Variants in RPAP3 observed in about 807,000 individuals in gnomAD.
The protein encoded by RPAP3 is RNA polymerase II-associated protein 3.
A neutral mutation model predicts 88.8 loss-of-function variants in RPAP3; 58 were observed. That is an observed-to-expected ratio of 0.65 (90% CI 0.53 to 0.81). RPAP3 has a LOEUF of 0.81. Ranked by LOEUF, RPAP3 falls within the 40% of genes least tolerant of loss-of-function variation. RPAP3 has a pLI of 0.00. For synonymous variants in RPAP3, 255 were observed against 259.9 expected (o/e 0.98, Z 0.18); for missense variants, 751 against 764.3 (o/e 0.98, Z 0.20).
At chr12:47,698,041 A>G (rs1027829107) in intron 3 of RPAP3, among the ~76,000 whole-genome samples, 4 of 152,212 alleles carry the variant, frequency 2.6e-5, no homozygotes, top group Admixed American at 1.3e-4. Context: ...AAATAGCCCT[A>G]AACTAATATA....
rs768329967 is a variant in RPAP3, at chr12:47,669,117, A to G, written c.1527-15T>C. On this transcript the variant is annotated splice_polypyrimidine_tract_variant and intron_variant, in intron 13 of 16. Transcript: ENST00000005386. ...TGGCTTGAGGTCTGAAATATTTCAG[A>G]GGTATCAAACAGAAAAGAACCATAA... The G allele has an allele frequency of 6.3e-7, 1 of 1,595,276 alleles. No homozygotes were observed. Among genetic ancestry groups the G allele is most frequent in the East Asian group, 2.2e-5 (1 of 44,716 alleles).
Position 47,704,752 on chromosome 12 carries a change from G to A in RPAP3, c.-7+1200C>T, listed in dbSNP as rs1201208046. ...GCAGGTGGCTCATGCCTGTAATCCC[G>A]GCACTTTGGGAGGCAGAGGTTGGGG... On this transcript the variant is annotated intron_variant, in intron 1 of 16. Transcript: ENST00000005386. 3.3e-5 allele frequency among the ~76,000 whole-genome samples: 5 copies of A among 151,912 alleles called. No homozygotes were observed. In the South Asian group the frequency reaches 1.0e-3, roughly 32 times the overall value.
At chr12:47,687,489 ATAAAC>A (rs1322791905) in intron 8 of RPAP3, among the ~76,000 whole-genome samples, 2 of 152,174 alleles carry the variant, frequency 1.3e-5, no homozygotes, top group Non-Finnish European at 2.9e-5. Flanking sequence ...AAGGCAATAA[ATAAAC>A]TAAACCTCAA....
chr12:47,692,945 T>A (rs1939456638), intron 5 of RPAP3, among the ~76,000 whole-genome samples: 1 of 152,192 alleles, frequency 6.6e-6, no homozygotes, highest in Admixed American at 6.5e-5. Flanking sequence ...AGCGGCATGA[T>A]CTCAACTCAC....
rs747245634 is a variant in RPAP3 at position 47,702,775 on chromosome 12, T to G, written c.66A>C (p.Gln22His). The change falls in exon 2 of 17, where the codon CAA (glutamine) becomes CAC (histidine). Residue 22 changes from glutamine to histidine, a missense_variant. Gln to His is a conservative substitution (Grantham distance 24). Transcript: ENST00000005386. ...AGTTTTCTAAATCCCGCATAAAGTCTTGTAATTCTTCTGCATTTTGTTTCA... is the reference window on the plus strand; with the variant it reads ...AGTTTTCTAAATCCCGCATAAAGTCGTGTAATTCTTCTGCATTTTGTTTCA... ...LQVKQNAEEL[Q>H]DFMRDLENWE... The G allele has an allele frequency of 6.2e-7, 1 of 1,613,010 alleles. No individual in the cohort carries two copies. The highest frequency in any genetic ancestry group is 8.5e-7 in the Non-Finnish European group (1 of 1,179,166).
chr12:47,674,470 G>A (rs187577966), intron 12 of RPAP3, among the ~76,000 whole-genome samples: 47 of 152,156 alleles, frequency 3.1e-4, no homozygotes, highest in Non-Finnish European at 4.9e-4. Flanking sequence ...GAGGATGTTC[G>A]AACTCATCAT....
At chr12:47,697,576 C>A in intron 4 of RPAP3, 21 bp downstream of exon 4, 1 of 1,578,820 alleles carries the variant, frequency 6.3e-7, no homozygotes. Context: ...TGAAAAAAAA[C>A]AAAACCTAAC....
intron 9 of RPAP3, 140 bp downstream of exon 9, chr12:47,686,640 C>A: frequency 5.3e-6 from 3 of 568,186 alleles, no homozygotes; most frequent in Non-Finnish European, 5.8e-6. Context: ...TAAATTTTAA[C>A]TTACTTAAAT....
rs1939187218 is a variant in RPAP3, at chr12:47,679,777, A to G, written c.1115-3T>C. On this transcript the variant is annotated splice_region_variant and splice_polypyrimidine_tract_variant and intron_variant, in intron 10 of 16. Transcript: ENST00000005386. Reference sequence around the variant, plus strand: ...CAGAAGTAAAACAGTTTCAAAATCTAAAGCGAATTTTTTAAAAACATTACA... The same window carrying G: ...CAGAAGTAAAACAGTTTCAAAATCTGAAGCGAATTTTTTAAAAACATTACA... The G allele has an allele frequency of 1.3e-6, 2 of 1,597,592 alleles. No homozygotes were observed. The highest frequency in any genetic ancestry group is 1.7e-6 in the Non-Finnish European group (2 of 1,169,534).
chr12:47,692,923 C>T (rs551317987), intron 5 of RPAP3, among the ~76,000 whole-genome samples: 97 of 152,260 alleles, frequency 6.4e-4, no homozygotes, highest in Non-Finnish European at 1.2e-3. Flanking sequence ...TCTCTCGCCC[C>T]GGCTGGAGTG....
chr12:47,678,790 C>T (rs931040579), intron 12 of RPAP3, among the ~76,000 whole-genome samples: 1 of 152,200 alleles, frequency 6.6e-6, no homozygotes, highest in African/African-American at 2.4e-5. Context: ...AACGCTTTTA[C>T]ACTGTTCCTG....
intron 14 of RPAP3, among the ~76,000 whole-genome samples, 167 bp from the exon 15 acceptor site, chr12:47,668,018 A>C (rs1938917752): frequency 6.6e-6 from 1 of 152,168 alleles, no homozygotes; most frequent in African/African-American, 2.4e-5. Context: ...AACATGGAGA[A>C]ACCCCATCTC....
intron 9 of RPAP3, 42 bp downstream of exon 9, chr12:47,686,738 A>C (rs1433848352): frequency 1.4e-6 from 2 of 1,386,508 alleles, no homozygotes; most frequent in African/African-American, 3.0e-5. Flanking sequence ...ATTTATTGTA[A>C]ATTTTTATCC....
At chr12:47,692,986 T>C (rs544977893) in intron 5 of RPAP3, among the ~76,000 whole-genome samples, 1 of 152,236 alleles carries the variant, frequency 6.6e-6, no homozygotes, top group East Asian at 1.9e-4. Context: ...CTCAAGTGAT[T>C]TTCCTGCCTC....
chr12:47,675,178 T>C (rs1939085387), intron 12 of RPAP3, among the ~76,000 whole-genome samples: 1 of 152,172 alleles, frequency 6.6e-6, no homozygotes, highest in Admixed American at 6.5e-5. Context: ...AATAAAATCC[T>C]TTACAGACAA....
chr12:47,689,283 T>A (rs1939383287), intron 6 of RPAP3, 88 bp from the exon 7 acceptor site: 1 of 589,164 alleles, frequency 1.7e-6, no homozygotes, highest in Non-Finnish European at 2.9e-6. Flanking sequence ...CCTGTGACAA[T>A]CAGGCAACTG....
intron 16 of RPAP3, among the ~76,000 whole-genome samples, chr12:47,665,320 T>C (rs914675441): frequency 2.6e-4 from 39 of 151,366 alleles, no homozygotes; most frequent in Non-Finnish European, 5.0e-4. Context: ...TTGCATCATG[T>C]TGGCCAGCCT....
Position 47,670,335 on chromosome 12 carries a change from T to C in RPAP3, c.1298A>G (p.Lys433Arg), listed in dbSNP as rs1938970818. The stretch of plus-strand genomic sequence containing the variant: ...ACCAGTTTCTTCAATAATAACCTTC[T>C]TGAGTGGTTTCTAAAACAATTAAAA... ...PPHPGSTKPL[K>R]KVIIEETGNL... The change falls in exon 13 of 17, where the codon AAG becomes AGG. Residue 433 changes from lysine to arginine, a missense_variant. Physicochemically the swap from Lys to Arg is conservative, Grantham distance 26. Coordinates refer to ENST00000005386, the MANE Select transcript of RPAP3 (RefSeq NM_024604.3). 6.3e-7 allele frequency: 1 copy of C among 1,579,634 alleles called. No individual in the cohort carries two copies. The highest frequency in any genetic ancestry group is 8.7e-7 in the Non-Finnish European group (1 of 1,153,764).
chr12:47,691,350 C>T (rs762606568), intron 5 of RPAP3, among the ~76,000 whole-genome samples: 2 of 152,168 alleles, frequency 1.3e-5, no homozygotes, highest in African/African-American at 2.4e-5. Context: ...TGCAGCAATT[C>T]GGTGACATCT....
Sources: gnomAD v4.1 joint callset for allele counts (sites outside exome capture counted in the v4.1 genomes callset) on GRCh38, gnomAD v4.1.1 for gene constraint, MANE v1.5 for transcripts, NCBI Gene and HGNC (gene_info 2026-07-23, HGNC 2026-07-21) for gene names.